The following IKZF2 variants were observed in gnomAD, a reference collection of about 807,000 sequenced individuals.
IKZF2 encodes the protein IKAROS family zinc finger 2.
Under a neutral mutation model 49.2 loss-of-function variants are expected in IKZF2, and 15 were observed. The ratio of observed to expected loss-of-function variants is 0.30; its 90% CI spans 0.20 to 0.47. The LOEUF is 0.47. Among genes scored for constraint, IKZF2 ranks in the 20% least tolerant of loss-of-function variants. The pLI is 1.00. For missense variants in IKZF2, 567 were observed against 664.6 expected (o/e 0.85, Z 1.61); for synonymous variants, 227 against 221.4 (o/e 1.03, Z -0.23).
intron 4 of IKZF2, among the ~76,000 whole-genome samples, chr2:213,115,884 C>G (rs2059854497): frequency 6.6e-6 from 1 of 151,674 alleles, no homozygotes; most frequent in African/African-American, 2.4e-5. Flanking sequence ...AATTAGCCAC[C>G]CCATTATTAC....
At chr2:213,101,462 C>A (rs1224874333) in intron 4 of IKZF2, among the ~76,000 whole-genome samples, 1 of 151,838 alleles carries the variant, frequency 6.6e-6, no homozygotes, top group African/African-American at 2.4e-5. Context: ...AAAGAAAACA[C>A]TAGGAAAGAA....
intron 4 of IKZF2, among the ~76,000 whole-genome samples, chr2:213,115,935 C>T (rs1406814428): frequency 6.6e-6 from 1 of 150,970 alleles, no homozygotes; most frequent in Non-Finnish European, 1.5e-5. Context: ...AGCTGTGTAA[C>T]ATCAGAGCTT....
intron 7 of IKZF2, among the ~76,000 whole-genome samples, chr2:213,016,052 G>T (rs571613285): frequency 3.3e-5 from 5 of 152,072 alleles, no homozygotes; most frequent in Non-Finnish European, 5.9e-5. Context: ...GATGATTTTG[G>T]CAGAGTTCTG....
intron 4 of IKZF2, among the ~76,000 whole-genome samples, chr2:213,077,758 T>G (rs1262797705): frequency 6.6e-6 from 1 of 151,842 alleles, no homozygotes; most frequent in Non-Finnish European, 1.5e-5. Flanking sequence ...CGGCTAATTT[T>G]TGTGTATTTT....
chr2:213,091,178 G>A (rs1329231955), intron 4 of IKZF2, among the ~76,000 whole-genome samples: 5 of 152,158 alleles, frequency 3.3e-5, no homozygotes. Context: ...ATTAAAATTG[G>A]AAGGTAAGTG....
upstream of IKZF2, chr2:213,151,736 C>G: frequency 6.8e-6 from 1 of 146,806 alleles, no homozygotes; most frequent in East Asian, 2.0e-4. Flanking sequence ...GCGGCGGCGG[C>G]GGCGGCGGGC....
chr2:213,146,973 T>C (rs2061095562), intron 4 of IKZF2, among the ~76,000 whole-genome samples: 1 of 152,072 alleles, frequency 6.6e-6, no homozygotes, highest in African/African-American at 2.4e-5. Context: ...GATAAAATAT[T>C]ATAATTAAGA....
chr2:213,034,292 G>A (rs1003235977), intron 6 of IKZF2, among the ~76,000 whole-genome samples: 2 of 152,186 alleles, frequency 1.3e-5, no homozygotes. Context: ...TGTGTTCACT[G>A]GAGTAGCATT....
At chr2:213,130,498 C>T (rs753462371) in intron 4 of IKZF2, among the ~76,000 whole-genome samples, 5 of 152,132 alleles carry the variant, frequency 3.3e-5, no homozygotes, top group Non-Finnish European at 5.9e-5. Context: ...TCCCCACCAA[C>T]CTTAAGACCC....
chr2:213,070,546 CAAAT>C (rs1296851310), intron 4 of IKZF2, among the ~76,000 whole-genome samples: 3 of 152,024 alleles, frequency 2.0e-5, no homozygotes, highest in Admixed American at 6.6e-5. Context: ...AACAGAAAAA[CAAAT>C]AAGCAAATCA....
intron 4 of IKZF2, among the ~76,000 whole-genome samples, chr2:213,145,412 T>G (rs1036514959): frequency 6.6e-6 from 1 of 151,962 alleles, no homozygotes; most frequent in Non-Finnish European, 1.5e-5. Flanking sequence ...AATAAGTTCT[T>G]TTCATTAAAC....
chr2:213,077,640 T>A lies in IKZF2; in HGVS notation c.140-20541A>T, dbSNP rs191587199. Reference sequence around the variant, plus strand: ...TCTTGCTCTCTCGCCCAGGCTGGAGTGCAGTGGTGCAATTTCGGCTCACTG... The same window carrying A: ...TCTTGCTCTCTCGCCCAGGCTGGAGAGCAGTGGTGCAATTTCGGCTCACTG... On this transcript the variant is annotated intron_variant, in intron 4 of 8. Coordinates refer to ENST00000434687, the MANE Select transcript of IKZF2 (RefSeq NM_001387220.1). Among the ~76,000 whole-genome samples the A allele has an allele frequency of 1.7e-4, 23 of 136,618 alleles. No homozygotes were observed. The Admixed American group carries it at 1.7e-3, about 10-fold the overall frequency. 89.6% of individuals were successfully genotyped at this position (136,618 alleles called of 152,430 possible). A position where few individuals can be genotyped will look rare whatever the true frequency, so the allele number is the denominator to read the frequency against.
intron 4 of IKZF2, among the ~76,000 whole-genome samples, chr2:213,075,118 A>C (rs1056507357): frequency 2.6e-5 from 4 of 152,268 alleles, no homozygotes; most frequent in African/African-American, 9.6e-5. Flanking sequence ...CATTCAGTTA[A>C]AGTTTTGTTC....
At chr2:213,030,477 G>C (rs1698289726) in intron 6 of IKZF2, among the ~76,000 whole-genome samples, 1 of 151,928 alleles carries the variant, frequency 6.6e-6, no homozygotes, top group African/African-American at 2.4e-5. Context: ...ATCTCTCTAA[G>C]GACAGTTTAC....
chr2:213,041,333 T>C (rs1699619940), intron 6 of IKZF2, among the ~76,000 whole-genome samples: 1 of 140,666 alleles, frequency 7.1e-6, no homozygotes, highest in Admixed American at 6.9e-5. Context: ...GACTGTAATC[T>C]TTTTTTGGGG....
intron 4 of IKZF2, among the ~76,000 whole-genome samples, chr2:213,126,143 G>A (rs944634866): frequency 7.2e-5 from 11 of 152,048 alleles, no homozygotes; most frequent in African/African-American, 2.7e-4. Flanking sequence ...ATTTTGTAAT[G>A]CTGGCCACAT....
chr2:213,086,634 T>G (rs1484292348), intron 4 of IKZF2, among the ~76,000 whole-genome samples: 1 of 152,156 alleles, frequency 6.6e-6, no homozygotes, highest in African/African-American at 2.4e-5. Flanking sequence ...CAGCAACGAC[T>G]ACAGGGACTA....
chr2:213,136,388 A>G lies in IKZF2; in HGVS notation c.139+11320T>C, dbSNP rs1362509486. Among the ~76,000 whole-genome samples, 33 of 71,000 alleles carry G rather than the reference A, an allele frequency of 4.6e-4. No homozygotes were observed. In the East Asian group the frequency reaches 0.028, roughly 61 times the overall value. 46.6% of individuals were successfully genotyped at this position (71,000 alleles called of 152,430 possible). A position where few individuals can be genotyped will look rare whatever the true frequency, so the allele number is the denominator to read the frequency against. ...ACTGTCTCAAAAAAAAAAAAAAAAA[A>G]AAAGAAAAAGAAAAAGAAAAGAAAA... On this transcript the variant is annotated intron_variant, in intron 4 of 8. Transcript: ENST00000434687.
rs527870055 is a variant in IKZF2 at position 213,133,689 on chromosome 2, G to C, written c.139+14019C>G. 2.2e-5 allele frequency among the ~76,000 whole-genome samples: 3 copies of C among 137,800 alleles called. No homozygotes were observed. In the Admixed American group the frequency reaches 2.2e-4, roughly 10 times the overall value. 90.4% of individuals were successfully genotyped at this position (137,800 alleles called of 152,430 possible). On this transcript the variant is annotated intron_variant, in intron 4 of 8. Transcript: ENST00000434687. Reference sequence around the variant, plus strand: ...CACTCTAGCCTGGGCGACAAAGATAGACTCCGTCTCGAAAAAATAAATAAA... The same window carrying C: ...CACTCTAGCCTGGGCGACAAAGATACACTCCGTCTCGAAAAAATAAATAAA...
Sources: allele counts gnomAD v4.1 joint callset (sites outside exome capture counted in the v4.1 genomes callset), GRCh38; gene constraint gnomAD v4.1.1; transcripts MANE v1.5; gene names NCBI Gene and HGNC (gene_info 2026-07-23, HGNC 2026-07-21).